The following MAST4 variants were observed in gnomAD, a reference collection of about 807,000 sequenced individuals.
The protein encoded by MAST4 is microtubule associated serine/threonine kinase family member 4.
A neutral mutation model predicts 162.7 loss-of-function variants in MAST4; 89 were observed. The observed-to-expected ratio is 0.55, with a 90% CI of 0.46 to 0.65. The LOEUF (loss-of-function observed/expected upper bound fraction) is 0.65, where lower values mean the gene tolerates loss of function less well. MAST4 is among the 30% of genes least tolerant of loss of function. The probability of loss-of-function intolerance (pLI) is 0.00; values close to 1 mark genes in which losing one functional copy is unlikely to be tolerated. For missense variants in MAST4, 3,153 were observed against 3,374.0 expected (o/e 0.93, Z 1.62); for synonymous variants, 1,479 against 1,361.1 (o/e 1.09, Z -1.91).
chr5:66,877,260 T>C (rs1251071683), intron 3 of MAST4, among the ~76,000 whole-genome samples: 2 of 152,142 alleles, frequency 1.3e-5, no homozygotes, highest in Admixed American at 6.5e-5. Context: ...ACCTGTAAGG[T>C]AAGTACTGCT....
intron 3 of MAST4, among the ~76,000 whole-genome samples, chr5:66,818,102 A>G (rs1340154930): frequency 1.3e-5 from 2 of 152,232 alleles, no homozygotes; most frequent in Admixed American, 1.3e-4. Context: ...TCCTGTATAC[A>G]TAAGAGTGCA....
intron 3 of MAST4, among the ~76,000 whole-genome samples, chr5:66,856,132 C>T (rs1759666416): frequency 6.6e-6 from 1 of 152,176 alleles, no homozygotes; most frequent in Non-Finnish European, 1.5e-5. Flanking sequence ...TGCACTCCAG[C>T]CTGGGTGACA....
At position 67,165,558 on chromosome 5, in the gene MAST4, C is replaced by A; in HGVS notation, c.6379C>A (p.Gln2127Lys). Residue 2127 changes from glutamine (Q) to lysine (K), a missense_variant, in exon 29 of 29, where the codon CAA becomes AAA. Gln to Lys is a moderately conservative substitution (Grantham distance 53). Transcript: ENST00000403625. ...ACCTGAAAGGAAGGAGCAGCCTCTA[C>A]AAAGGCATCCCAGCAGCATCCCTCC... ...KEPERKEQPL[Q>K]RHPSSIPPPP... The A allele has an allele frequency of 6.2e-7, 1 of 1,614,002 alleles. No individual in the cohort carries two copies. The highest frequency in any genetic ancestry group is 1.3e-5 in the African/African-American group (1 of 75,070).
At chr5:67,012,308 T>G (rs1300512070) in intron 4 of MAST4, among the ~76,000 whole-genome samples, 1 of 152,186 alleles carries the variant, frequency 6.6e-6, no homozygotes, top group Non-Finnish European at 1.5e-5. Flanking sequence ...GGACTCTATC[T>G]GAATAATTTG....
At chr5:66,725,050 C>T (rs187350274) in intron 1 of MAST4, among the ~76,000 whole-genome samples, 116 of 151,602 alleles carry the variant, frequency 7.7e-4, no homozygotes, top group African/African-American at 2.7e-3. Context: ...AATATTATTT[C>T]ATTTTAAAGA....
chr5:66,737,148 G>T (rs1752204059), intron 1 of MAST4, among the ~76,000 whole-genome samples: 1 of 152,144 alleles, frequency 6.6e-6, no homozygotes, highest in African/African-American at 2.4e-5. Flanking sequence ...TAGCTGGTTG[G>T]GTGGCTCTGG....
intron 1 of MAST4, among the ~76,000 whole-genome samples, chr5:66,732,587 A>G (rs1326172886): frequency 1.3e-5 from 2 of 152,190 alleles, no homozygotes; most frequent in African/African-American, 2.4e-5. Flanking sequence ...GGCAAGGACA[A>G]TGCTTTGTGA....
chr5:66,896,214 C>T (rs1160988435), intron 3 of MAST4, among the ~76,000 whole-genome samples: 4 of 152,010 alleles, frequency 2.6e-5, no homozygotes, highest in African/African-American at 4.8e-5. Flanking sequence ...TTAGAAGGTC[C>T]CTCCATTTGG....
chr5:67,049,023 G>GTATATATATATACACGTGTA (rs1554087410), intron 4 of MAST4, among the ~76,000 whole-genome samples: 1 of 85,666 alleles, frequency 1.2e-5, no homozygotes, highest in South Asian at 3.6e-4. Context: ...ATATATATAC[G>GTATATATATATACACGTGTA]TATATATATA....
At chr5:66,930,515 G>A (rs1053114578) in intron 4 of MAST4, among the ~76,000 whole-genome samples, 8 of 152,160 alleles carry the variant, frequency 5.3e-5, no homozygotes, top group Non-Finnish European at 8.8e-5. Flanking sequence ...AGTGGTGTGT[G>A]TATATGATTG....
chr5:66,961,551 T>A (rs1746018027), intron 4 of MAST4, among the ~76,000 whole-genome samples: 1 of 152,232 alleles, frequency 6.6e-6, no homozygotes, highest in Non-Finnish European at 1.5e-5. Context: ...CAGAAATTAA[T>A]AAGTTGTTAA....
At chr5:66,836,828 TA>T (rs1031726102) in intron 3 of MAST4, among the ~76,000 whole-genome samples, 2 of 152,074 alleles carry the variant, frequency 1.3e-5, no homozygotes, top group Admixed American at 1.3e-4. Context: ...AAAAATGACA[TA>T]GGGGGTGCTA....
chr5:66,636,108 C>G (rs994321909), intron 1 of MAST4, among the ~76,000 whole-genome samples: 1 of 151,930 alleles, frequency 6.6e-6, no homozygotes, highest in Non-Finnish European at 1.5e-5. Flanking sequence ...AAGACGTATG[C>G]CACCACGCCC....
intron 2 of MAST4, among the ~76,000 whole-genome samples, chr5:66,774,662 T>G (rs1448929168): frequency 6.6e-6 from 1 of 152,208 alleles, no homozygotes; most frequent in Non-Finnish European, 1.5e-5. Flanking sequence ...ACTTTTTCCT[T>G]GTATCCTCAA....
chr5:67,054,368 T>G (rs751503543), intron 4 of MAST4, 36 bp from the exon 5 acceptor site: 13 of 1,542,374 alleles, frequency 8.4e-6, no homozygotes, highest in Admixed American at 7.8e-5. Context: ...GATGCTATAT[T>G]CTTTTTAAAC....
At chr5:66,891,209 C>G (rs922241907) in intron 3 of MAST4, among the ~76,000 whole-genome samples, 3 of 152,124 alleles carry the variant, frequency 2.0e-5, no homozygotes, top group Non-Finnish European at 2.9e-5. Context: ...AGTCTTTTCT[C>G]CTCATCTCTG....
chr5:67,079,244 A>T (rs573388729), intron 5 of MAST4, among the ~76,000 whole-genome samples: 1 of 152,026 alleles, frequency 6.6e-6, no homozygotes, highest in Non-Finnish European at 1.5e-5. Context: ...TAAGTAAATG[A>T]TGCTAACTGA....
At chr5:66,754,121 T>C (rs1346621240) in intron 1 of MAST4, among the ~76,000 whole-genome samples, 1 of 151,546 alleles carries the variant, frequency 6.6e-6, no homozygotes, top group Non-Finnish European at 1.5e-5. Flanking sequence ...CTAAAAACGC[T>C]CAATAAATTA....
At chr5:66,836,873 A>G (rs1758003846) in intron 3 of MAST4, among the ~76,000 whole-genome samples, 1 of 152,154 alleles carries the variant, frequency 6.6e-6, no homozygotes, top group African/African-American at 2.4e-5. Context: ...GAATCTGTAC[A>G]CTAAACTCTC....
Sources: gnomAD v4.1 joint callset for allele counts (sites outside exome capture counted in the v4.1 genomes callset) on GRCh38, gnomAD v4.1.1 for gene constraint, MANE v1.5 for transcripts, NCBI Gene and HGNC (gene_info 2026-07-23, HGNC 2026-07-21) for gene names.